SERGEF: variants seen among roughly 807,000 people sequenced by gnomAD.
SERGEF encodes the protein secretion-regulating guanine nucleotide exchange factor.
In SERGEF, 51 loss-of-function variants were observed where a neutral mutation model predicts 50.0. That is an observed-to-expected ratio of 1.02 (90% CI 0.81 to 1.29). The LOEUF is 1.29. Ranked by LOEUF, SERGEF falls within the 50% of genes most tolerant of loss-of-function variation. The pLI, the probability that SERGEF is intolerant of heterozygous loss-of-function variation, is 0.00. For missense variants in SERGEF, 521 were observed against 557.0 expected (o/e 0.94, Z 0.65); for synonymous variants, 205 against 212.4 (o/e 0.97, Z 0.30).
intron 8 of SERGEF, among the ~76,000 whole-genome samples, chr11:17,978,038 T>C (rs1167933114): frequency 6.6e-6 from 1 of 152,220 alleles, no homozygotes; most frequent in African/African-American, 2.4e-5. Flanking sequence ...AGCTTTGATA[T>C]CAAACACAGC....
intron 10 of SERGEF, among the ~76,000 whole-genome samples, chr11:17,818,769 C>G (rs1850023783): frequency 6.6e-6 from 1 of 152,230 alleles, no homozygotes; most frequent in African/African-American, 2.4e-5. Flanking sequence ...CTAAGGTGAT[C>G]TTAAACTCTA....
At position 17,999,851 on chromosome 11, in the gene SERGEF, A is replaced by C. The variant is rs371067780; in HGVS notation, c.508+646T>G. On this transcript the variant is annotated intron_variant, in intron 5 of 10. Coordinates refer to ENST00000265965, the MANE Select transcript of SERGEF (RefSeq NM_012139.4). Reference sequence around the variant, plus strand: ...TCTACGTTACTCCCTGTATAAGCTTACACAAGCACTTTAACTCTGTGCCTC... The same window carrying C: ...TCTACGTTACTCCCTGTATAAGCTTCCACAAGCACTTTAACTCTGTGCCTC... 2.0e-5 allele frequency among the ~76,000 whole-genome samples: 3 copies of C among 152,258 alleles called. No individual in the cohort carries two copies. The South Asian group carries it at 6.2e-4, about 32-fold the overall frequency.
chr11:17,938,975 A>C (rs1361730750), intron 9 of SERGEF, among the ~76,000 whole-genome samples: 1 of 152,234 alleles, frequency 6.6e-6, no homozygotes, highest in Non-Finnish European at 1.5e-5. Context: ...ATTTCCTCTC[A>C]TCAGAGAACT....
At chr11:17,807,765 T>C (rs1849790225) in intron 10 of SERGEF, among the ~76,000 whole-genome samples, 1 of 152,172 alleles carries the variant, frequency 6.6e-6, no homozygotes, top group Admixed American at 6.5e-5. Flanking sequence ...GGCATGATCA[T>C]GACTTGACTT....
At chr11:17,789,584 CT>C (rs1849445522) in intron 10 of SERGEF, among the ~76,000 whole-genome samples, 1 of 152,086 alleles carries the variant, frequency 6.6e-6, no homozygotes, top group African/African-American at 2.4e-5. Flanking sequence ...TAAAAAAAAT[CT>C]TCTGGACATA....
At position 17,788,276 on chromosome 11, in the gene SERGEF, A is replaced by T. The variant is rs1182117491; in HGVS notation, c.1186T>A (p.Ser396Thr). ...GCTGGCAGCTGGCAGAGGGCCAAGG[A>T]GTGGCCAGCCCCACAGCCCACAAGG... ...GLLVGCGAGH[S>T]LALCQLPAHP... Residue 396 changes from serine (S) to threonine (T), a missense_variant, in exon 11 of 11, where the codon TCC (serine) becomes ACC (threonine). Physicochemically the swap from Ser to Thr is moderately conservative, Grantham distance 58. Coordinates refer to ENST00000265965, the MANE Select transcript of SERGEF (RefSeq NM_012139.4). 1.2e-6 allele frequency: 2 copies of T among 1,613,836 alleles called. No homozygotes were observed. Among genetic ancestry groups the T allele is most frequent in the Non-Finnish European group, 1.7e-6 (2 of 1,179,940 alleles).
chr11:18,012,974 C>G lies in SERGEF; in HGVS notation c.37G>C (p.Ala13Pro). Residue 13 changes from alanine (A) to proline (P), a missense_variant, in exon 1 of 11, where the codon GCG (alanine) becomes CCG (proline). Transcript: ENST00000265965. ...ACCCAGGCGAAGAGCGCGGCCGCCGCGGGGGCGGCCTCCGAGGCGCTGGGC... is the reference window on the plus strand; with the variant it reads ...ACCCAGGCGAAGAGCGCGGCCGCCGGGGGGGCGGCCTCCGAGGCGCTGGGC... ...REPSASEAAP[A>P]AAALFAWGAN... The G allele has an allele frequency of 1.4e-6, 2 of 1,471,926 alleles. No homozygotes were observed. The highest frequency in any genetic ancestry group is 8.9e-7 in the Non-Finnish European group (1 of 1,121,126). The allele number at this position is 1,471,926 out of a possible 1,614,324, so 91.2% of individuals were successfully genotyped here.
intron 9 of SERGEF, among the ~76,000 whole-genome samples, chr11:17,900,500 T>C (rs1851728842): frequency 6.6e-6 from 1 of 152,196 alleles, no homozygotes; most frequent in African/African-American, 2.4e-5. Context: ...ACTTTCCTAT[T>C]TGATATATGC....
intron 9 of SERGEF, among the ~76,000 whole-genome samples, chr11:17,935,310 C>T (rs1477113394): frequency 6.6e-6 from 1 of 152,084 alleles, no homozygotes; most frequent in Non-Finnish European, 1.5e-5. Flanking sequence ...ACCATGTCTC[C>T]ACACACAAAA....
At chr11:17,834,414 C>T (rs751708653) in intron 10 of SERGEF, among the ~76,000 whole-genome samples, 1 of 152,166 alleles carries the variant, frequency 6.6e-6, no homozygotes, top group Non-Finnish European at 1.5e-5. Flanking sequence ...AGCATGAAAA[C>T]GTACTAATAC....
rs191490022 is a variant in SERGEF at position 17,850,202 on chromosome 11, A to G, written c.1048+28006T>C. ...ATCCATTCATAAGGGTTGATCCCCC[A>G]TGACCCAATCAGCTTCCAAAGGCCC... On this transcript the variant is annotated intron_variant, in intron 10 of 10. Transcript: ENST00000265965. Among the ~76,000 whole-genome samples, 666 of 152,326 alleles carry G rather than the reference A, an allele frequency of 4.4e-3. 3 individuals are homozygous for G. The highest frequency in any genetic ancestry group is 0.019 in the South Asian group (90 of 4,822).
At chr11:17,807,004 C>A (rs187329704) in intron 10 of SERGEF, among the ~76,000 whole-genome samples, 62 of 152,254 alleles carry the variant, frequency 4.1e-4, no homozygotes, top group Non-Finnish European at 1.5e-4. Flanking sequence ...CATCTCTCCC[C>A]CAACAGAAAA....
chr11:17,994,386 G>A (rs544485401), intron 6 of SERGEF, among the ~76,000 whole-genome samples: 41 of 149,942 alleles, frequency 2.7e-4, no homozygotes, highest in African/African-American at 9.6e-4. Context: ...TGAGGCAGGA[G>A]GATGGCGTGA....
At chr11:17,944,074 C>T (rs1565211532) in intron 9 of SERGEF, among the ~76,000 whole-genome samples, 1 of 152,220 alleles carries the variant, frequency 6.6e-6, no homozygotes, top group South Asian at 2.1e-4. Context: ...ACTACAGGCA[C>T]GTGCCACCAT....
intron 5 of SERGEF, among the ~76,000 whole-genome samples, chr11:17,997,710 G>T (rs1001262284): frequency 6.6e-6 from 1 of 152,114 alleles, no homozygotes; most frequent in Admixed American, 6.5e-5. Context: ...GTATCTAAAC[G>T]CCGATATATC....
At chr11:17,834,882 C>T (rs1413788814) in intron 10 of SERGEF, among the ~76,000 whole-genome samples, 1 of 152,150 alleles carries the variant, frequency 6.6e-6, no homozygotes, top group Non-Finnish European at 1.5e-5. Flanking sequence ...ATTTCGGTTC[C>T]CCTCGGCCTG....
At chr11:17,996,238 A>G (rs1043180402) in intron 5 of SERGEF, among the ~76,000 whole-genome samples, 1 of 152,182 alleles carries the variant, frequency 6.6e-6, no homozygotes, top group African/African-American at 2.4e-5. Flanking sequence ...GACAACTCAG[A>G]TCCCAGACAA....
At chr11:17,878,362 T>C (rs1851277625) in intron 9 of SERGEF, 118 bp from the exon 10 acceptor site, 2 of 688,536 alleles carry the variant, frequency 2.9e-6, no homozygotes, top group Non-Finnish European at 2.5e-6. Context: ...AGGAAGGAAA[T>C]AGAAAGAAGC....
At chr11:17,817,301 G>A (rs1849995367) in intron 10 of SERGEF, among the ~76,000 whole-genome samples, 1 of 150,032 alleles carries the variant, frequency 6.7e-6, no homozygotes, top group African/African-American at 2.5e-5. Context: ...TGCAAGTTCC[G>A]CCTCCCGGGT....
Sources: allele counts gnomAD v4.1 joint callset (sites outside exome capture counted in the v4.1 genomes callset), GRCh38; gene constraint gnomAD v4.1.1; transcripts MANE v1.5; gene names NCBI Gene and HGNC (gene_info 2026-07-23, HGNC 2026-07-21).